Variants in DAB1 observed in about 807,000 individuals in gnomAD.
DAB1 encodes DAB adaptor protein 1, also known as disabled homolog 1.
DAB1 carries 15 observed loss-of-function variants against 64.6 expected under a neutral mutation model. The ratio of observed to expected loss-of-function variants is 0.23; its 90% confidence interval spans 0.16 to 0.36. DAB1 has a LOEUF of 0.36. Ranked by LOEUF, DAB1 falls within the 10% of genes least tolerant of loss-of-function variation. The pLI, the probability that DAB1 is intolerant of heterozygous loss-of-function variation, is 1.00. For synonymous variants in DAB1, 235 were observed against 251.9 expected (o/e 0.93, Z 0.64); for missense variants, 596 against 706.7 (o/e 0.84, Z 1.78).
chr1:57,345,202 T>A lies in DAB1; in HGVS notation c.-136-54036A>T, dbSNP rs552789013. Among the ~76,000 whole-genome samples, 33 of 152,320 alleles carry A rather than the reference T, an allele frequency of 2.2e-4. No individual in the cohort carries two copies. In the South Asian group the frequency reaches 2.7e-3, roughly 12 times the overall value. On this transcript the variant is annotated intron_variant, in intron 1 of 14. Coordinates refer to ENST00000371236, the MANE Select transcript of DAB1 (RefSeq NM_001365792.1). Reference sequence around the variant, plus strand: ...AACAGAGGGAACACTGTGCTGAACTTGGGGACCTGCCCCCTATCGTGGATC... The same window carrying A: ...AACAGAGGGAACACTGTGCTGAACTAGGGGACCTGCCCCCTATCGTGGATC...
chr1:57,528,890 C>T (rs772194620), intron 7 of DAB1, among the ~76,000 whole-genome samples: 7 of 151,928 alleles, frequency 4.6e-5, no homozygotes, highest in African/African-American at 1.5e-4. Context: ...AATTTGTTGC[C>T]AGCAGAATCA....
At chr1:58,310,131 G>T (rs557562852) in intron 4 of DAB1, among the ~76,000 whole-genome samples, 1 of 152,040 alleles carries the variant, frequency 6.6e-6, no homozygotes, top group Non-Finnish European at 1.5e-5. Context: ...GCCCTAAAGA[G>T]AATATCACAT....
intron 6 of DAB1, among the ~76,000 whole-genome samples, chr1:57,705,026 T>C (rs1173371408): frequency 6.6e-6 from 1 of 152,114 alleles, no homozygotes; most frequent in Non-Finnish European, 1.5e-5. Flanking sequence ...TAGTGTGGCA[T>C]AATAAAAATA....
At chr1:57,799,562 GAAA>G (rs10718933) in intron 6 of DAB1, among the ~76,000 whole-genome samples, 22 of 123,728 alleles carry the variant, frequency 1.8e-4, no homozygotes, top group African/African-American at 4.2e-4. Context: ...TTTGAGATGA[GAAA>G]AAAAAAAAAA....
chr1:58,461,330 A>C (rs1645240587), intron 3 of DAB1, among the ~76,000 whole-genome samples: 1 of 152,220 alleles, frequency 6.6e-6, no homozygotes, highest in South Asian at 2.1e-4. Flanking sequence ...ATATGATCAA[A>C]AAAGAGTGAA....
chr1:57,260,057 T>A (rs1394294777), intron 2 of DAB1, among the ~76,000 whole-genome samples: 4 of 152,174 alleles, frequency 2.6e-5, no homozygotes, highest in Non-Finnish European at 4.4e-5. Context: ...AATTAAATCC[T>A]AGGCACATAG....
At chr1:57,211,722 G>A (rs570304516) in intron 2 of DAB1, among the ~76,000 whole-genome samples, 6 of 152,064 alleles carry the variant, frequency 3.9e-5, no homozygotes, top group Non-Finnish European at 7.4e-5. Flanking sequence ...CACATCTGAG[G>A]ATTCAACCAA....
At chr1:58,284,119 T>C (rs774352406) in intron 4 of DAB1, among the ~76,000 whole-genome samples, 5 of 152,224 alleles carry the variant, frequency 3.3e-5, no homozygotes, top group African/African-American at 7.2e-5. Flanking sequence ...ACTTGCCTAG[T>C]CTTGAGGTCT....
intron 3 of DAB1, among the ~76,000 whole-genome samples, chr1:57,138,927 G>A (rs796764918): frequency 2.0e-5 from 3 of 152,190 alleles, no homozygotes; most frequent in African/African-American, 7.2e-5. Flanking sequence ...TATTTGGTTT[G>A]TGCCCAGGGC....
At chr1:58,481,112 T>C (rs1645473993) in intron 3 of DAB1, 1 of 871,968 alleles carries the variant, frequency 1.1e-6, no homozygotes, top group East Asian at 2.4e-5. Context: ...TGAGTTTGAA[T>C]AGTAATCGAG....
intron 4 of DAB1, among the ~76,000 whole-genome samples, chr1:58,331,427 A>C (rs567586752): frequency 6.6e-6 from 1 of 152,358 alleles, no homozygotes; most frequent in East Asian, 1.9e-4. Flanking sequence ...TAAAGCAGGA[A>C]CAGGGTTTGA....
At chr1:57,478,313 G>C (rs568402854) in intron 7 of DAB1, among the ~76,000 whole-genome samples, 1 of 152,116 alleles carries the variant, frequency 6.6e-6, no homozygotes, top group Non-Finnish European at 1.5e-5. Context: ...TATGGGAAAT[G>C]ATCTTCCACA....
At chr1:57,007,957 TG>T (rs1646138930) in intron 14 of DAB1, among the ~76,000 whole-genome samples, 1 of 152,216 alleles carries the variant, frequency 6.6e-6, no homozygotes, top group Non-Finnish European at 1.5e-5. Flanking sequence ...GGACCCAGAA[TG>T]GCTCTCCCAG....
At chr1:57,158,423 C>T (rs1660443027) in intron 2 of DAB1, among the ~76,000 whole-genome samples, 1 of 152,166 alleles carries the variant, frequency 6.6e-6, no homozygotes, top group Non-Finnish European at 1.5e-5. Context: ...GATTCTCCCT[C>T]CTTCTGCATA....
At chr1:58,424,908 G>A (rs896778388) in intron 3 of DAB1, among the ~76,000 whole-genome samples, 4 of 151,004 alleles carry the variant, frequency 2.6e-5, no homozygotes, top group African/African-American at 9.8e-5. Flanking sequence ...GTGAGGTGGT[G>A]TGGGTGGGTG....
intron 3 of DAB1, among the ~76,000 whole-genome samples, chr1:58,387,513 G>A (rs1644442318): frequency 6.6e-6 from 1 of 152,182 alleles, no homozygotes; most frequent in African/African-American, 2.4e-5. Flanking sequence ...TGGTGGGAAA[G>A]TGAAGGGCAA....
At chr1:57,002,198 G>A (rs1291588099) in intron 14 of DAB1, among the ~76,000 whole-genome samples, 1 of 152,172 alleles carries the variant, frequency 6.6e-6, no homozygotes, top group African/African-American at 2.4e-5. Flanking sequence ...CTTTCTGTAA[G>A]TGAAACACCC....
chr1:57,349,061 C>G (rs1678358193), intron 1 of DAB1, among the ~76,000 whole-genome samples: 1 of 152,176 alleles, frequency 6.6e-6, no homozygotes, highest in African/African-American at 2.4e-5. Context: ...GCCCACTGAA[C>G]ATTCATTTCC....
At chr1:57,367,367 C>CT (rs1249617109) in intron 1 of DAB1, among the ~76,000 whole-genome samples, 5 of 152,152 alleles carry the variant, frequency 3.3e-5, no homozygotes, top group African/African-American at 1.2e-4. Flanking sequence ...AGCTAGGTGC[C>CT]TTTTTTGTCT....
Sources: gnomAD v4.1 joint callset for allele counts (sites outside exome capture counted in the v4.1 genomes callset) on GRCh38, gnomAD v4.1.1 for gene constraint, MANE v1.5 for transcripts, NCBI Gene and HGNC (gene_info 2026-07-23, HGNC 2026-07-21) for gene names.